Variants in RIN2 observed in about 807,000 individuals in gnomAD.
The protein encoded by RIN2 is Ras and Rab interactor 2.
In RIN2, 36 loss-of-function variants were observed where a neutral mutation model predicts 78.0. The ratio of observed to expected loss-of-function variants is 0.46; its 90% CI spans 0.35 to 0.61. The LOEUF (loss-of-function observed/expected upper bound fraction) is 0.61. Among genes scored for constraint, RIN2 ranks in the 20% least tolerant of loss-of-function variants. The pLI is 0.00. For synonymous variants in RIN2, 466 were observed against 466.8 expected, an observed-to-expected ratio of 1.00 and a Z score of 0.02; for missense variants, 1,087 against 1,159.7, an observed-to-expected ratio of 0.94 and a Z score of 0.91.
chr20:19,919,190 G>T (rs1419630433), intron 3 of RIN2, among the ~76,000 whole-genome samples: 1 of 152,206 alleles, frequency 6.6e-6, no homozygotes, highest in Non-Finnish European at 1.5e-5. Context: ...ATCCAGAGAG[G>T]GTTTTAGGGA....
At position 20,001,229 on chromosome 20, in the gene RIN2, ATG is replaced by A; in HGVS notation, c.*295_*296del. ...TCAGGTTCTAGGTTGGCTTACAGGTATGTATATGTGCAGAAGAAACACTTAAG... is the reference window on the plus strand; with the variant it reads ...TCAGGTTCTAGGTTGGCTTACAGGTATATATGTGCAGAAGAAACACTTAAG... On this transcript the variant is annotated 3_prime_UTR_variant, in exon 13 of 13. Coordinates refer to ENST00000255006, the MANE Select transcript of RIN2 (RefSeq NM_018993.4). The A allele has an allele frequency of 2.5e-6, 1 of 397,340 alleles. No individual in the cohort carries two copies. The highest frequency in any genetic ancestry group is 4.6e-6 in the Non-Finnish European group (1 of 216,798). The allele number at this position is 397,340 out of a possible 1,614,324, so 24.6% of individuals were successfully genotyped here. A position where few individuals can be genotyped will look rare whatever the true frequency, so the allele number is the denominator to read the frequency against.
chr20:19,838,541 G>A (rs984415653), intron 2 of RIN2, among the ~76,000 whole-genome samples: 11 of 151,934 alleles, frequency 7.2e-5, no homozygotes, highest in African/African-American at 2.4e-4. Flanking sequence ...CCACTTTTTG[G>A]CTATTATGAA....
At chr20:19,940,095 G>T (rs943988026) in intron 4 of RIN2, among the ~76,000 whole-genome samples, 1 of 151,990 alleles carries the variant, frequency 6.6e-6, no homozygotes, top group Non-Finnish European at 1.5e-5. Context: ...CAGGCAATCC[G>T]CCCGCCTTGA....
intron 11 of RIN2, 32 bp from the exon 12 acceptor site, chr20:19,996,647 C>G (rs768665186): frequency 1.2e-6 from 2 of 1,613,324 alleles, no homozygotes; most frequent in East Asian, 2.2e-5. Flanking sequence ...GAGGTTGGCA[C>G]TGGGAGGACC....
chr20:19,781,366 T>C (rs1310458037), intron 1 of RIN2, among the ~76,000 whole-genome samples: 3 of 152,206 alleles, frequency 2.0e-5, no homozygotes, highest in Non-Finnish European at 4.4e-5. Context: ...GACTTTGCAA[T>C]AGGTGACTTT....
intron 2 of RIN2, among the ~76,000 whole-genome samples, chr20:19,855,573 A>G (rs6035459): frequency 0.59 from 89,834 of 151,892 alleles, 27,920 homozygotes; most frequent in African/African-American, 0.77. Context: ...CCTTCTGACC[A>G]TGTAGTCATC....
chr20:19,812,909 T>C (rs985622521), intron 2 of RIN2, among the ~76,000 whole-genome samples: 1 of 152,244 alleles, frequency 6.6e-6, no homozygotes, highest in African/African-American at 2.4e-5. Flanking sequence ...CTTCCTTTCT[T>C]TGGTTACTGC....
intron 4 of RIN2, among the ~76,000 whole-genome samples, chr20:19,947,022 TAAA>T (rs35136029): frequency 1.7e-5 from 2 of 116,140 alleles, no homozygotes; most frequent in Admixed American, 9.1e-5. Context: ...CAGACTGTCT[TAAA>T]AAAAAAAAAA....
At chr20:19,940,108 T>C (rs996664142) in intron 4 of RIN2, among the ~76,000 whole-genome samples, 1 of 152,130 alleles carries the variant, frequency 6.6e-6, no homozygotes, top group Non-Finnish European at 1.5e-5. Context: ...CGCCTTGACC[T>C]CCCAAAGAGT....
chr20:19,806,682 A>G (rs1167193103), intron 2 of RIN2, among the ~76,000 whole-genome samples: 1 of 152,182 alleles, frequency 6.6e-6, no homozygotes, highest in Non-Finnish European at 1.5e-5. Flanking sequence ...TGATTGCCTG[A>G]GCACAGAAGT....
Position 19,886,425 on chromosome 20 carries a change from A to T in RIN2, c.-36-3141A>T, listed in dbSNP as rs143800826. 2.5e-3 allele frequency: 1,024 copies of T among 401,704 alleles called. 4 individuals carry two copies. Among genetic ancestry groups the T allele is most frequent in the Non-Finnish European group, 2.3e-3 (517 of 226,772 alleles). 24.9% of individuals were successfully genotyped at this position (401,704 alleles called of 1,614,324 possible). ...GAAAGCCACCACTGAGTTTACTATA[A>T]AGTGACAGAGGCTGGTGTCTCTAGG... On this transcript the variant is annotated intron_variant, in intron 2 of 12. Coordinates refer to ENST00000255006, the MANE Select transcript of RIN2 (RefSeq NM_018993.4).
At chr20:19,800,631 G>A (rs2035211919) in intron 2 of RIN2, among the ~76,000 whole-genome samples, 1 of 152,206 alleles carries the variant, frequency 6.6e-6, no homozygotes, top group Admixed American at 6.5e-5. Context: ...CACTGACATG[G>A]GACTTAGAAG....
At chr20:19,831,546 AAAAT>A (rs1233055083) in intron 2 of RIN2, among the ~76,000 whole-genome samples, 1 of 152,232 alleles carries the variant, frequency 6.6e-6, no homozygotes, top group Non-Finnish European at 1.5e-5. Context: ...AAGTATTGGG[AAAAT>A]AAATAGGTGT....
chr20:19,759,371 G>A (rs2033534338), intron 1 of RIN2, among the ~76,000 whole-genome samples: 1 of 152,134 alleles, frequency 6.6e-6, no homozygotes, highest in African/African-American at 2.4e-5. Context: ...CGACCAAAAG[G>A]ACTGTAAATA....
intron 2 of RIN2, among the ~76,000 whole-genome samples, chr20:19,827,617 C>T (rs754475074): frequency 3.3e-5 from 5 of 152,100 alleles, no homozygotes; most frequent in Admixed American, 6.5e-5. Flanking sequence ...GGCAGTGAGT[C>T]CTCCAGATTG....
rs983269280 is a variant in RIN2, at chr20:19,797,451, T to C, written c.-162-2171T>C. ...AGCAAGAACATAGGCCATTTACACC[T>C]AGTTATTTTATTTGCACATACTTAT... On this transcript the variant is annotated intron_variant, in intron 1 of 12. Transcript: ENST00000255006. Among the ~76,000 whole-genome samples, 4 of 152,212 alleles carry C rather than the reference T, an allele frequency of 2.6e-5. No homozygotes were observed. In the East Asian group the frequency reaches 7.7e-4, roughly 29 times the overall value.
chr20:19,864,322 C>T (rs1218791429), intron 2 of RIN2, among the ~76,000 whole-genome samples: 1 of 152,116 alleles, frequency 6.6e-6, no homozygotes, highest in African/African-American at 2.4e-5. Flanking sequence ...AGGGCACAAG[C>T]TTTTTGGCAA....
intron 9 of RIN2, among the ~76,000 whole-genome samples, chr20:19,976,434 C>T (rs1356954824): frequency 6.6e-6 from 1 of 152,164 alleles, no homozygotes; most frequent in Non-Finnish European, 1.5e-5. Context: ...CTGAAAAAGA[C>T]AAGTTTGTTT....
At chr20:19,760,886 GTGTGTA>G (rs1295619818) in intron 1 of RIN2, among the ~76,000 whole-genome samples, 1 of 152,148 alleles carries the variant, frequency 6.6e-6, no homozygotes, top group East Asian at 1.9e-4. Flanking sequence ...TTCCTTGTGT[GTGTGTA>G]TGTGTATGTA....
Sources: allele counts gnomAD v4.1 joint callset (sites outside exome capture counted in the v4.1 genomes callset), GRCh38; gene constraint gnomAD v4.1.1; transcripts MANE v1.5; gene names NCBI Gene and HGNC (gene_info 2026-07-23, HGNC 2026-07-21).